Variants in SPOCK1 observed in about 807,000 individuals in gnomAD.
The protein encoded by SPOCK1 is SPARC (osteonectin), cwcv and kazal like domains proteoglycan 1, also known as testican-1.
Under a neutral mutation model 55.3 loss-of-function variants are expected in SPOCK1, and 23 were observed. That is an observed-to-expected ratio of 0.42 (90% CI 0.30 to 0.59). The LOEUF (loss-of-function observed/expected upper bound fraction) is 0.59, where lower values mean the gene tolerates loss of function less well. SPOCK1 is among the 20% of genes least tolerant of loss of function. SPOCK1 has a pLI of 0.22. For missense variants in SPOCK1, 499 were observed against 552.5 expected (o/e 0.90, Z 0.97); for synonymous variants, 226 against 221.0 (o/e 1.02, Z -0.20).
chr5:137,066,675 C>T (rs1465946551), intron 6 of SPOCK1, among the ~76,000 whole-genome samples: 2 of 152,168 alleles, frequency 1.3e-5, no homozygotes. Flanking sequence ...TCAGGCCTAA[C>T]TGCAATGAGA....
chr5:137,234,471 G>T (rs1323587470), intron 3 of SPOCK1, among the ~76,000 whole-genome samples: 1 of 152,048 alleles, frequency 6.6e-6, no homozygotes, highest in Admixed American at 6.6e-5. Flanking sequence ...TTCTCTTTTG[G>T]TTGCCTCTTG....
At chr5:137,181,445 G>A (rs912549844) in intron 3 of SPOCK1, among the ~76,000 whole-genome samples, 2 of 152,228 alleles carry the variant, frequency 1.3e-5, no homozygotes, top group African/African-American at 4.8e-5. Context: ...ACAGGGGGCT[G>A]TGGTTCTGCT....
intron 6 of SPOCK1, among the ~76,000 whole-genome samples, chr5:137,063,648 G>A (rs1752439695): frequency 6.6e-6 from 1 of 152,196 alleles, no homozygotes; most frequent in African/African-American, 2.4e-5. Flanking sequence ...GCAGGTGAGT[G>A]TTGGATTCTC....
At chr5:137,283,409 G>A (rs966594430) in intron 2 of SPOCK1, among the ~76,000 whole-genome samples, 3 of 152,160 alleles carry the variant, frequency 2.0e-5, no homozygotes, top group African/African-American at 7.2e-5. Flanking sequence ...GATGGAAAGT[G>A]AGGACACTTA....
rs184078648 is a variant in SPOCK1, at chr5:137,494,193, C to T, written c.186+4180G>A. ...TATTATTTTAATCAAATCAGAAGCT[C>T]ATTATTAGAAGATAAGCCCTGACAT... On this transcript the variant is annotated intron_variant, in intron 2 of 10. Coordinates refer to ENST00000394945, the MANE Select transcript of SPOCK1 (RefSeq NM_004598.4). 7.2e-5 allele frequency among the ~76,000 whole-genome samples: 11 copies of T among 152,318 alleles called. No homozygotes were observed. In the East Asian group the frequency reaches 2.1e-3, roughly 29 times the overall value.
intron 7 of SPOCK1, among the ~76,000 whole-genome samples, chr5:136,991,322 C>T (rs1439547948): frequency 6.6e-6 from 1 of 151,928 alleles, no homozygotes; most frequent in Non-Finnish European, 1.5e-5. Flanking sequence ...ACTTTGGAGA[C>T]ACTTAAATGC....
At chr5:137,238,565 A>G (rs1289090813) in intron 3 of SPOCK1, among the ~76,000 whole-genome samples, 1 of 152,242 alleles carries the variant, frequency 6.6e-6, no homozygotes, top group East Asian at 1.9e-4. Flanking sequence ...GACCAAATAG[A>G]GTTTACACAA....
intron 2 of SPOCK1, among the ~76,000 whole-genome samples, chr5:137,359,792 A>AT (rs1187679229): frequency 1.3e-5 from 2 of 152,086 alleles, no homozygotes; most frequent in African/African-American, 2.4e-5. Context: ...CCTGAACTGG[A>AT]TTTTTTTTCC....
chr5:137,494,669 GTAGTC>G (rs2149846234), intron 2 of SPOCK1, among the ~76,000 whole-genome samples: 1 of 152,340 alleles, frequency 6.6e-6, no homozygotes, highest in East Asian at 1.9e-4. Flanking sequence ...AACAGAATAA[GTAGTC>G]TATGACAGCA....
At chr5:137,161,095 AAT>A (rs996989927) in intron 3 of SPOCK1, among the ~76,000 whole-genome samples, 1 of 146,926 alleles carries the variant, frequency 6.8e-6, no homozygotes, top group African/African-American at 2.5e-5. Flanking sequence ...CATATTATAT[AAT>A]ATATATATCT....
intron 3 of SPOCK1, among the ~76,000 whole-genome samples, chr5:137,231,520 A>G (rs992134315): frequency 7.2e-5 from 11 of 152,210 alleles, no homozygotes; most frequent in Admixed American, 3.9e-4. Flanking sequence ...TTTTTCACTC[A>G]GCAAAATTTC....
chr5:137,301,846 C>T (rs1352218983), intron 2 of SPOCK1, among the ~76,000 whole-genome samples: 1 of 151,992 alleles, frequency 6.6e-6, no homozygotes, highest in Non-Finnish European at 1.5e-5. Context: ...TCCAGATACA[C>T]AAATTTTCTC....
intron 2 of SPOCK1, among the ~76,000 whole-genome samples, chr5:137,493,531 T>C (rs4642361): frequency 1 from 151,883 of 152,338 alleles, 75,716 homozygotes; most frequent in East Asian, 1. Flanking sequence ...CAAGGGCACA[T>C]TGAAGGTAAG....
chr5:137,111,071 A>G (rs1290399324), intron 5 of SPOCK1, among the ~76,000 whole-genome samples: 1 of 152,132 alleles, frequency 6.6e-6, no homozygotes, highest in Non-Finnish European at 1.5e-5. Flanking sequence ...GCATCACAAA[A>G]TCGATAGGGA....
At chr5:137,306,053 A>G (rs368326015) in intron 2 of SPOCK1, among the ~76,000 whole-genome samples, 2 of 152,142 alleles carry the variant, frequency 1.3e-5, no homozygotes, top group South Asian at 4.1e-4. Flanking sequence ...ACTTCTGTGT[A>G]TAGTTAGAAT....
chr5:137,440,204 G>C (rs1036184851), intron 2 of SPOCK1, among the ~76,000 whole-genome samples: 1 of 152,050 alleles, frequency 6.6e-6, no homozygotes, highest in African/African-American at 2.4e-5. Context: ...AAGAAAAAAG[G>C]CCTGGAAAGT....
In SPOCK1 at chr5:137,031,736, C is replaced by T. The variant is rs993100614; in HGVS notation, c.589+35979G>A. ...CCTGTTTTTTAACGGTAGACACCATCCAGGGAATTAATACCAAGTCCTCAA... is the reference window on the plus strand; with the variant it reads ...CCTGTTTTTTAACGGTAGACACCATTCAGGGAATTAATACCAAGTCCTCAA... On this transcript the variant is annotated intron_variant, in intron 6 of 10. Coordinates refer to ENST00000394945, the MANE Select transcript of SPOCK1 (RefSeq NM_004598.4). Among the ~76,000 whole-genome samples the T allele has an allele frequency of 3.3e-5, 5 of 152,174 alleles. No individual in the cohort carries two copies. The South Asian group carries it at 1.0e-3, about 32-fold the overall frequency.
In SPOCK1 at chr5:137,372,848, C is replaced by T. The variant is rs12654741; in HGVS notation, c.187-105793G>A. ...GAGCGGCCACTCTCCGCCTGCATCT[C>T]ATCTCATAAATCTTCAGTTCTTCCT... On this transcript the variant is annotated intron_variant, in intron 2 of 10. Transcript: ENST00000394945. 8.7e-4 allele frequency among the ~76,000 whole-genome samples: 132 copies of T among 152,324 alleles called. 2 individuals carry two copies. The East Asian group carries it at 0.025, about 29-fold the overall frequency.
intron 2 of SPOCK1, among the ~76,000 whole-genome samples, chr5:137,303,382 G>T (rs1444571103): frequency 6.6e-6 from 1 of 151,764 alleles, no homozygotes; most frequent in African/African-American, 2.4e-5. Flanking sequence ...TTTTCTTATT[G>T]AATGCTTATG....
Sources: gnomAD v4.1 joint callset for allele counts (sites outside exome capture counted in the v4.1 genomes callset) on GRCh38, gnomAD v4.1.1 for gene constraint, MANE v1.5 for transcripts, NCBI Gene and HGNC (gene_info 2026-07-23, HGNC 2026-07-21) for gene names.